The following BBS9 variants were observed in gnomAD, a reference collection of about 807,000 sequenced individuals.
The protein encoded by BBS9 is protein PTHB1.
In BBS9, 89 loss-of-function variants were observed where a neutral mutation model predicts 117.7. The ratio of observed to expected loss-of-function variants is 0.76; its 90% confidence interval spans 0.64 to 0.90. The LOEUF is 0.90. BBS9 is among the 40% of genes least tolerant of loss of function. The probability of loss-of-function intolerance (pLI) is 0.00; values close to 1 mark genes in which losing one functional copy is unlikely to be tolerated. For missense variants in BBS9, 982 were observed against 1,042.2 expected, an observed-to-expected ratio of 0.94 and a Z score of 0.80; for synonymous variants, 379 against 370.9, an observed-to-expected ratio of 1.02 and a Z score of -0.25.
At chr7:33,296,850 A>G (rs922200311) in intron 9 of BBS9, among the ~76,000 whole-genome samples, 2 of 152,306 alleles carry the variant, frequency 1.3e-5, no homozygotes, top group South Asian at 4.1e-4. Context: ...ATAGAATTCA[A>G]TATTGTATCT....
intron 19 of BBS9, among the ~76,000 whole-genome samples, chr7:33,501,979 C>T (rs754806714): frequency 3.9e-5 from 6 of 151,942 alleles, no homozygotes; most frequent in South Asian, 2.1e-4. Context: ...GGCACAATCT[C>T]GGCTCACTGC....
At chr7:33,586,316 A>G (rs576627317) in intron 21 of BBS9, among the ~76,000 whole-genome samples, 7 of 152,090 alleles carry the variant, frequency 4.6e-5, no homozygotes, top group Admixed American at 1.3e-4. Flanking sequence ...CACCAGAGAA[A>G]TGCCACCCAA....
chr7:33,222,692 A>C (rs1214930006), intron 5 of BBS9, among the ~76,000 whole-genome samples: 1 of 151,952 alleles, frequency 6.6e-6, no homozygotes, highest in Non-Finnish European at 1.5e-5. Context: ...TCTTGCTTGT[A>C]ACTCCAGCAC....
chr7:33,176,173 G>C (rs1797302389), intron 4 of BBS9, among the ~76,000 whole-genome samples: 1 of 152,002 alleles, frequency 6.6e-6, no homozygotes, highest in African/African-American at 2.4e-5. Context: ...GTGTCCTTTT[G>C]CTCAAAATAA....
chr7:33,210,819 G>A (rs1018782392), intron 5 of BBS9, among the ~76,000 whole-genome samples: 8 of 152,154 alleles, frequency 5.3e-5, no homozygotes, highest in African/African-American at 1.9e-4. Context: ...ACCGAGCCCA[G>A]CCAGCTCTAG....
intron 9 of BBS9, among the ~76,000 whole-genome samples, chr7:33,297,066 A>T (rs1805423763): frequency 6.6e-6 from 1 of 152,164 alleles, no homozygotes; most frequent in Non-Finnish European, 1.5e-5. Context: ...GTTGACATGA[A>T]AGGGAAAACA....
intron 21 of BBS9, among the ~76,000 whole-genome samples, chr7:33,583,877 T>A (rs1860438338): frequency 6.6e-6 from 1 of 152,176 alleles, no homozygotes; most frequent in African/African-American, 2.4e-5. Context: ...AGCATTACCT[T>A]GTAGATGTTG....
At chr7:33,358,594 A>G (rs1426500573) in intron 16 of BBS9, among the ~76,000 whole-genome samples, 1 of 151,874 alleles carries the variant, frequency 6.6e-6, no homozygotes, top group Non-Finnish European at 1.5e-5. Context: ...GAGAAGTGTC[A>G]GTTTTTCTTT....
At chr7:33,416,594 C>T (rs935006371) in intron 19 of BBS9, among the ~76,000 whole-genome samples, 4 of 151,962 alleles carry the variant, frequency 2.6e-5, no homozygotes, top group African/African-American at 9.7e-5. Flanking sequence ...ATGTGAGTGC[C>T]TGTTGTGTGC....
intron 9 of BBS9, among the ~76,000 whole-genome samples, chr7:33,326,635 G>A (rs1812915160): frequency 1.3e-5 from 2 of 151,950 alleles, no homozygotes; most frequent in African/African-American, 2.4e-5. Flanking sequence ...GGCCAATGAC[G>A]AGTACTGCCT....
intron 5 of BBS9, among the ~76,000 whole-genome samples, chr7:33,208,444 T>C (rs1478648919): frequency 6.6e-6 from 1 of 152,228 alleles, no homozygotes; most frequent in East Asian, 1.9e-4. Flanking sequence ...AGCTTTGAAC[T>C]TGTAGATCCA....
intron 19 of BBS9, 40 bp from the exon 20 acceptor site, chr7:33,505,423 T>C: frequency 6.2e-7 from 1 of 1,604,178 alleles, no homozygotes; most frequent in Non-Finnish European, 8.5e-7. Flanking sequence ...GGCTCAATAA[T>C]TGTGAAATTA....
At chr7:33,401,781 T>C (rs988708704) in intron 19 of BBS9, among the ~76,000 whole-genome samples, 4 of 152,178 alleles carry the variant, frequency 2.6e-5, no homozygotes, top group African/African-American at 2.4e-5. Flanking sequence ...CAGTTGATTC[T>C]GTCTAGAAAA....
At chr7:33,151,897 G>C (rs564423627) in intron 2 of BBS9, among the ~76,000 whole-genome samples, 4 of 107,790 alleles carry the variant, frequency 3.7e-5, no homozygotes, top group Non-Finnish European at 7.1e-5. Flanking sequence ...TTGTTCTTTC[G>C]CCCAGGCTAG....
At chr7:33,219,308 C>G (rs1046942269) in intron 5 of BBS9, among the ~76,000 whole-genome samples, 8 of 152,208 alleles carry the variant, frequency 5.3e-5, no homozygotes, top group African/African-American at 1.4e-4. Context: ...AGCGCCGCCC[C>G]GTGCTCCACC....
chr7:33,459,143 GA>G (rs778934195), intron 19 of BBS9, among the ~76,000 whole-genome samples: 8 of 152,004 alleles, frequency 5.3e-5, no homozygotes, highest in Non-Finnish European at 1.2e-4. Context: ...AAGACAAAAC[GA>G]ACTCCTTTCC....
intron 21 of BBS9, among the ~76,000 whole-genome samples, chr7:33,542,723 GTGTGTGTGTATA>G (rs1166340832): frequency 2.0e-5 from 2 of 98,788 alleles, no homozygotes; most frequent in Non-Finnish European, 4.2e-5. Context: ...GTGTGTGTGT[GTGTGTGTGTATA>G]TGTGTGTGTA....
At chr7:33,307,944 C>A (rs978132215) in intron 9 of BBS9, among the ~76,000 whole-genome samples, 2 of 152,112 alleles carry the variant, frequency 1.3e-5, no homozygotes, top group Non-Finnish European at 2.9e-5. Context: ...GCAGTTCTAA[C>A]ACAAACCAAT....
At chr7:33,348,424 C>A (rs1157693152) in intron 12 of BBS9, among the ~76,000 whole-genome samples, 1 of 151,998 alleles carries the variant, frequency 6.6e-6, no homozygotes, top group Non-Finnish European at 1.5e-5. Flanking sequence ...TCTTTTATTG[C>A]TGAACAATAT....
Sources: allele counts gnomAD v4.1 joint callset (sites outside exome capture counted in the v4.1 genomes callset), GRCh38; gene constraint gnomAD v4.1.1; transcripts MANE v1.5; gene names NCBI Gene and HGNC (gene_info 2026-07-23, HGNC 2026-07-21).